The following ARMH3 variants were observed in gnomAD, a reference collection of about 807,000 sequenced individuals.
The protein encoded by ARMH3 is armadillo-like helical domain-containing protein 3.
In ARMH3, 60 loss-of-function variants were observed where a neutral mutation model predicts 99.1. The ratio of observed to expected loss-of-function variants is 0.61; its 90% CI spans 0.49 to 0.75. ARMH3 has a LOEUF of 0.75. Among genes scored for constraint, ARMH3 ranks in the 30% least tolerant of loss-of-function variants. The pLI, the probability that ARMH3 is intolerant of heterozygous loss-of-function variation, is 0.00. For synonymous variants in ARMH3, 285 were observed against 292.8 expected (o/e 0.97, Z 0.27); for missense variants, 679 against 843.1 (o/e 0.81, Z 2.41).
At chr10:101,897,621 G>A (rs770047775) in intron 23 of ARMH3, among the ~76,000 whole-genome samples, 8 of 152,122 alleles carry the variant, frequency 5.3e-5, no homozygotes, top group Non-Finnish European at 1.0e-4. Flanking sequence ...GGGAGGATGA[G>A]GTGAGGTGTG....
intron 1 of ARMH3, among the ~76,000 whole-genome samples, chr10:102,048,434 T>C (rs1323339414): frequency 6.6e-6 from 1 of 152,200 alleles, no homozygotes; most frequent in East Asian, 1.9e-4. Context: ...GTTTTTGTTT[T>C]GTTTCATTTT....
chr10:101,879,033 T>G (rs1243903736), intron 24 of ARMH3, among the ~76,000 whole-genome samples: 5 of 152,132 alleles, frequency 3.3e-5, no homozygotes, highest in Non-Finnish European at 7.4e-5. Flanking sequence ...CTCGTCAGTG[T>G]TTTTTGTCCT....
intron 14 of ARMH3, among the ~76,000 whole-genome samples, chr10:102,003,025 G>A (rs2066402934): frequency 6.6e-6 from 1 of 151,758 alleles, no homozygotes; most frequent in Non-Finnish European, 1.5e-5. Context: ...ATTACTGATT[G>A]GAACAGCCTG....
At chr10:101,905,200 C>G (rs2135516652) in intron 23 of ARMH3, among the ~76,000 whole-genome samples, 1 of 152,220 alleles carries the variant, frequency 6.6e-6, no homozygotes, top group Non-Finnish European at 1.5e-5. Flanking sequence ...ATTTCTGTAG[C>G]TTAAGACCTC....
intron 23 of ARMH3, among the ~76,000 whole-genome samples, chr10:101,905,545 T>C (rs1157004488): frequency 6.6e-6 from 1 of 152,094 alleles, no homozygotes; most frequent in African/African-American, 2.4e-5. Context: ...AAACAGAATT[T>C]TGGTAGGTGA....
At chr10:101,936,808 A>G (rs1844001272) in intron 23 of ARMH3, among the ~76,000 whole-genome samples, 1 of 152,218 alleles carries the variant, frequency 6.6e-6, no homozygotes, top group South Asian at 2.1e-4. Context: ...ATACAGACAG[A>G]GGAAGATTAT....
intron 1 of ARMH3, 78 bp from the exon 2 acceptor site, chr10:102,040,203 T>C (rs2067377017): frequency 1.6e-6 from 2 of 1,229,496 alleles, no homozygotes; most frequent in Non-Finnish European, 1.2e-6. Flanking sequence ...TGTCATACAT[T>C]TGTCCAAGCC....
intron 20 of ARMH3, among the ~76,000 whole-genome samples, chr10:101,974,027 T>C (rs1159450653): frequency 6.6e-6 from 1 of 152,198 alleles, no homozygotes; most frequent in Non-Finnish European, 1.5e-5. Flanking sequence ...GTTGGTCATT[T>C]CCATCTCTTT....
At chr10:101,962,050 T>C (rs1248294703) in intron 20 of ARMH3, among the ~76,000 whole-genome samples, 1 of 152,250 alleles carries the variant, frequency 6.6e-6, no homozygotes, top group Non-Finnish European at 1.5e-5. Flanking sequence ...GCCTGACTCC[T>C]GGTCTGAGAG....
intron 22 of ARMH3, among the ~76,000 whole-genome samples, chr10:101,948,240 T>C (rs1170818781): frequency 1.3e-5 from 2 of 152,090 alleles, no homozygotes; most frequent in Non-Finnish European, 1.5e-5. Context: ...CAGGAAAATA[T>C]ATAAGCCAGC....
chr10:101,906,857 T>C (rs11191143), intron 23 of ARMH3, among the ~76,000 whole-genome samples: 1,574 of 152,264 alleles, frequency 0.01, 30 homozygotes, highest in African/African-American at 0.032. Context: ...GAATCAGATA[T>C]GTAGCTTCAA....
chr10:101,918,955 T>C (rs1430106551), intron 23 of ARMH3, among the ~76,000 whole-genome samples: 1 of 152,212 alleles, frequency 6.6e-6, no homozygotes, highest in East Asian at 1.9e-4. Flanking sequence ...TATGTGGCAT[T>C]AGGCATGGAA....
At chr10:101,990,062 G>A (rs1846710774) in intron 19 of ARMH3, among the ~76,000 whole-genome samples, 1 of 152,114 alleles carries the variant, frequency 6.6e-6, no homozygotes, top group South Asian at 2.1e-4. Context: ...TCCACATTGT[G>A]GTTTGTGCTT....
At chr10:101,981,557 A>G (rs1432521192) in intron 19 of ARMH3, among the ~76,000 whole-genome samples, 1 of 152,240 alleles carries the variant, frequency 6.6e-6, no homozygotes, top group African/African-American at 2.4e-5. Context: ...TCTTCTCCAG[A>G]TATTTTCATA....
chr10:101,848,291 C>T (rs1268231686), intron 25 of ARMH3, among the ~76,000 whole-genome samples: 2 of 152,100 alleles, frequency 1.3e-5, no homozygotes, highest in South Asian at 2.1e-4. Flanking sequence ...TTGCTGTGTG[C>T]CCACTGCTCA....
intron 24 of ARMH3, among the ~76,000 whole-genome samples, chr10:101,861,654 C>T (rs577268413): frequency 4.3e-4 from 61 of 142,912 alleles, no homozygotes; most frequent in Non-Finnish European, 5.3e-4. Context: ...TGCTTAAAGC[C>T]GGGAGGCAGA....
chr10:102,009,207 T>C (rs74153090), intron 13 of ARMH3, among the ~76,000 whole-genome samples, 167 bp downstream of exon 13: 335 of 152,310 alleles, frequency 2.2e-3, no homozygotes, highest in African/African-American at 7.9e-3. Flanking sequence ...GAAACATACA[T>C]ATTTGAGGAC....
intron 23 of ARMH3, among the ~76,000 whole-genome samples, chr10:101,909,463 CTTTT>C (rs61122631): frequency 4.2e-5 from 3 of 71,716 alleles, no homozygotes; most frequent in Admixed American, 2.3e-4. Flanking sequence ...CAAGCTTCCT[CTTTT>C]TTTTTTTTTT....
chr10:101,865,658 T>G (rs1447160939), intron 24 of ARMH3, among the ~76,000 whole-genome samples: 1 of 151,910 alleles, frequency 6.6e-6, no homozygotes, highest in East Asian at 2.0e-4. Context: ...CAGGCTAATT[T>G]TCATATTTTT....
Sources: allele counts gnomAD v4.1 joint callset (sites outside exome capture counted in the v4.1 genomes callset), GRCh38; gene constraint gnomAD v4.1.1; transcripts MANE v1.5; gene names NCBI Gene and HGNC (gene_info 2026-07-23, HGNC 2026-07-21).